Variants in MBTPS2 observed in about 807,000 individuals in gnomAD.
The protein encoded by MBTPS2 is membrane-bound transcription factor site-2 protease.
A neutral mutation model predicts 35.4 loss-of-function variants in MBTPS2; 2 were observed. That is an observed-to-expected ratio of 0.06 (90% CI 0.02 to 0.18). MBTPS2 has a LOEUF of 0.18. Ranked by LOEUF, MBTPS2 falls within the 10% of genes least tolerant of loss-of-function variation. MBTPS2 has a pLI of 1.00. For missense variants in MBTPS2, 244 were observed against 386.5 expected, an observed-to-expected ratio of 0.63 and a Z score of 3.09; for synonymous variants, 125 against 140.4, an observed-to-expected ratio of 0.89 and a Z score of 0.77.
intron 5 of MBTPS2, among the ~76,000 whole-genome samples, chrX:21,862,391 G>C (rs1260222191): frequency 9.0e-6 from 1 of 111,090 alleles, no homozygotes; most frequent in Non-Finnish European, 1.9e-5. Flanking sequence ...GAGGAATTAG[G>C]AAGAAATGCA....
Position 21,878,073 on chromosome X carries a change from C to T in MBTPS2, c.1002C>T (p.Cys334=). The T allele has an allele frequency of 8.3e-7, 1 of 1,206,187 alleles. No homozygotes were observed. The highest frequency in any genetic ancestry group is 1.1e-6 in the Non-Finnish European group (1 of 890,363). Residue 334 remains cysteine (C), a synonymous_variant, in exon 8 of 11, where the codon TGC becomes TGT. Coordinates refer to ENST00000379484, the MANE Select transcript of MBTPS2 (RefSeq NM_015884.4). ...AACGACTAGATGGTTCAACTGAATG[C>T]TGTAACAATCACAGCCTCACAGATG... ...AYKRLDGSTE[C]CNNHSLTDVC... is the part of the protein sequence containing the mutation.
rs748401414 is a variant in MBTPS2, at chrX:21,856,509, A to C, written c.670+3006A>C. 3.3e-6 allele frequency: 4 copies of C among 1,209,116 alleles called. No homozygotes were observed. In the East Asian group the frequency reaches 8.9e-5, roughly 27 times the overall value. Reference sequence around the variant, plus strand: ...CATGGCCTCCAACGAAGATTTCTCCATCACACAAGACCTGGAGATCCCGGC... The same window carrying C: ...CATGGCCTCCAACGAAGATTTCTCCCTCACACAAGACCTGGAGATCCCGGC... On this transcript the variant is annotated intron_variant, in intron 5 of 10. Transcript: ENST00000379484.
At chrX:21,866,963 A>AG (rs991054573) in intron 5 of MBTPS2, among the ~76,000 whole-genome samples, 4 of 106,913 alleles carry the variant, frequency 3.7e-5, no homozygotes, top group Non-Finnish European at 7.7e-5. Context: ...CAGGAGGCAG[A>AG]GGTTGCAGTT....
At chrX:21,860,504 C>T (rs889422391) in intron 5 of MBTPS2, among the ~76,000 whole-genome samples, 2 of 112,309 alleles carry the variant, frequency 1.8e-5, no homozygotes, top group Non-Finnish European at 3.7e-5. Flanking sequence ...CAGAGGTTTG[C>T]AGTACTTATA....
Position 21,882,908 on chromosome X carries a change from T to G in MBTPS2, c.*253T>G, listed in dbSNP as rs886195748. 4 of 1,026,341 alleles carry G rather than the reference T, an allele frequency of 3.9e-6. No individual in the cohort carries two copies. The African/African-American group carries it at 7.7e-5, about 20-fold the overall frequency. 84.6% of individuals were successfully genotyped at this position (1,026,341 alleles called of 1,213,427 possible). ...TGAATGTACCCAGATGCTTGTGGAA[T>G]AATATCTAAGCAAGTGCAAATTCAT... On this transcript the variant is annotated 3_prime_UTR_variant, in exon 11 of 11. Coordinates refer to ENST00000379484, the MANE Select transcript of MBTPS2 (RefSeq NM_015884.4).
chrX:21,851,274 T>C (rs762598136), intron 3 of MBTPS2, among the ~76,000 whole-genome samples: 1 of 112,172 alleles, frequency 8.9e-6, no homozygotes, highest in South Asian at 3.8e-4. Context: ...TCTCATTCTC[T>C]TTAGACTGGT....
chrX:21,843,464 C>T, intron 2 of MBTPS2, 146 bp downstream of exon 2: 1 of 598,193 alleles, frequency 1.7e-6, no homozygotes, highest in Non-Finnish European at 2.6e-6. Flanking sequence ...TTTATATAAC[C>T]TTATGGGATT....
chrX:21,841,175 T>A (rs2092902152), intron 1 of MBTPS2, among the ~76,000 whole-genome samples: 2 of 111,300 alleles, frequency 1.8e-5, no homozygotes, highest in Admixed American at 1.9e-4. Context: ...TCCCAGCACT[T>A]TGGGGGAGGC....
Position 21,843,213 on chromosome X carries a change from A to C in MBTPS2, c.119A>C (p.Asn40Thr), listed in dbSNP as rs777980245. 18 of 1,208,706 alleles carry C rather than the reference A, an allele frequency of 1.5e-5. No homozygotes were observed. Among genetic ancestry groups the C allele is most frequent in the Non-Finnish European group, 2.0e-5 (18 of 893,856 alleles). Reference protein sequence around the residue: ...FKHSYEDWLENNGLSISPFHI... With the variant: ...FKHSYEDWLETNGLSISPFHI... The stretch of plus-strand genomic sequence containing the variant: ...CATTCTTATGAAGACTGGCTGGAAA[A>C]CAACGGACTGAGCATCTCCCCTTTC... The change falls in exon 2 of 11, where the codon AAC becomes ACC. Residue 40 changes from asparagine (N) to threonine (T), a missense_variant. Coordinates refer to ENST00000379484, the MANE Select transcript of MBTPS2 (RefSeq NM_015884.4).
In MBTPS2 at chrX:21,852,570, T is replaced by C. The variant is rs147550636; in HGVS notation, c.543-806T>C. Reference sequence around the variant, plus strand: ...CTTTAGGATTTTACCTATAGACACATCGTTAATAACAGCTTAACAATTTAC... The same window carrying C: ...CTTTAGGATTTTACCTATAGACACACCGTTAATAACAGCTTAACAATTTAC... On this transcript the variant is annotated intron_variant, in intron 4 of 10. Coordinates refer to ENST00000379484, the MANE Select transcript of MBTPS2 (RefSeq NM_015884.4). Among the ~76,000 whole-genome samples the C allele has an allele frequency of 5.3e-3, 589 of 110,178 alleles. 2 individuals carry two copies. The highest frequency in any genetic ancestry group is 0.019 in the African/African-American group (566 of 30,355).
At chrX:21,878,473 G>A in intron 8 of MBTPS2, 24 bp from the exon 9 acceptor site, 1 of 1,101,948 alleles carries the variant, frequency 9.1e-7, no homozygotes, top group Non-Finnish European at 1.3e-6. Context: ...TTTTAATATT[G>A]ACTGATTAAT....
At chrX:21,877,527 G>A (rs1014027619) in intron 7 of MBTPS2, among the ~76,000 whole-genome samples, 5 of 111,560 alleles carry the variant, frequency 4.5e-5, no homozygotes, top group Non-Finnish European at 7.5e-5. Flanking sequence ...GCGGGTATGT[G>A]CACATCTGTG....
In MBTPS2 at chrX:21,857,965, A is replaced by G. The variant is rs1051582341; in HGVS notation, c.670+4462A>G. On this transcript the variant is annotated intron_variant, in intron 5 of 10. Transcript: ENST00000379484. ...ATAGGAAGTTCATTTATTGTTTACA[A>G]TGTTTTTAAAAAACTTGTTAAAAAA... is the stretch of plus-strand genomic sequence containing the variant. The G allele has an allele frequency of 2.7e-4, 39 of 145,798 alleles. 1 individual carries two copies. The highest frequency in any genetic ancestry group is 4.2e-4 in the Non-Finnish European group (29 of 68,508). 12.0% of individuals were successfully genotyped at this position (145,798 alleles called of 1,213,427 possible). A position where few individuals can be genotyped will look rare whatever the true frequency, so the allele number is the denominator to read the frequency against.
chrX:21,874,020 C>CT (rs57913652), intron 7 of MBTPS2, among the ~76,000 whole-genome samples: 126 of 50,990 alleles, frequency 2.5e-3, no homozygotes, highest in Non-Finnish European at 2.8e-3. Context: ...TATATATATA[C>CT]TTTTTTTTTT....
At chrX:21,862,885 T>C (rs867726172) in intron 5 of MBTPS2, among the ~76,000 whole-genome samples, 79 of 79,489 alleles carry the variant, frequency 9.9e-4, no homozygotes, top group Non-Finnish European at 1.7e-3. Context: ...TAAATATATA[T>C]ACACATATAT....
At chrX:21,856,258 C>T (rs764493972) in intron 5 of MBTPS2, 88 of 414,090 alleles carry the variant, frequency 2.1e-4, no homozygotes, top group Admixed American at 5.3e-4. Flanking sequence ...CTGCGCCTTC[C>T]GGCTCGTGCT....
intron 3 of MBTPS2, among the ~76,000 whole-genome samples, chrX:21,845,968 T>A (rs1462197414): frequency 8.9e-6 from 1 of 112,073 alleles, no homozygotes; most frequent in Non-Finnish European, 1.9e-5. Flanking sequence ...TTATTTCACA[T>A]TTTTACATTT....
At chrX:21,856,350 GCAGCTCGCGCCTT>G (rs2092922062) in intron 5 of MBTPS2, 1 of 604,286 alleles carries the variant, frequency 1.7e-6, no homozygotes, top group African/African-American at 2.4e-5. Flanking sequence ...GCCTTTCTCT[GCAGCTCGCGCCTT>G]TCTCTGCAGC....
chrX:21,883,617 T>C lies in MBTPS2; in HGVS notation c.*962T>C, dbSNP rs1296427673. 5.3e-6 allele frequency: 4 copies of C among 752,006 alleles called. No homozygotes were observed. The Admixed American group carries it at 2.7e-4, about 50-fold the overall frequency. The allele number at this position is 752,006 out of a possible 1,213,427, so 62.0% of individuals were successfully genotyped here. A position where few individuals can be genotyped will look rare whatever the true frequency, so the allele number is the denominator to read the frequency against. On this transcript the variant is annotated 3_prime_UTR_variant, in exon 11 of 11. Transcript: ENST00000379484. The stretch of plus-strand genomic sequence containing the variant: ...CTGGGTTCCTGTCTCCAAGAAGCAA[T>C]GACCTTAAACTCTGAGCCATACTCT...
Sources: allele counts gnomAD v4.1 joint callset (sites outside exome capture counted in the v4.1 genomes callset), GRCh38; gene constraint gnomAD v4.1.1; transcripts MANE v1.5; gene names NCBI Gene and HGNC (gene_info 2026-07-23, HGNC 2026-07-21).